Variants in ZNF385B observed in about 807,000 individuals in gnomAD.
The protein encoded by ZNF385B is zinc finger protein 385B.
Under a neutral mutation model 39.2 loss-of-function variants are expected in ZNF385B, and 23 were observed. The ratio of observed to expected loss-of-function variants is 0.59; its 90% CI spans 0.42 to 0.83. The LOEUF (loss-of-function observed/expected upper bound fraction) is 0.83, where lower values mean the gene tolerates loss of function less well. Ranked by LOEUF, ZNF385B falls within the 40% of genes least tolerant of loss-of-function variation. The pLI is 0.00. For missense variants in ZNF385B, 552 were observed against 598.9 expected (o/e 0.92, Z 0.82); for synonymous variants, 205 against 222.6 (o/e 0.92, Z 0.70).
At chr2:179,470,557 T>C (rs2052639275) in intron 6 of ZNF385B, among the ~76,000 whole-genome samples, 1 of 152,088 alleles carries the variant, frequency 6.6e-6, no homozygotes, top group Non-Finnish European at 1.5e-5. Flanking sequence ...AAACCTAGCA[T>C]GCTGGTGAAA....
At chr2:179,689,979 G>A (rs896281956) in intron 3 of ZNF385B, among the ~76,000 whole-genome samples, 18 of 152,076 alleles carry the variant, frequency 1.2e-4, no homozygotes, top group South Asian at 6.2e-4. Flanking sequence ...TCAGAGTCTA[G>A]GAACAATAAT....
chr2:179,830,899 T>C (rs1326433248), intron 1 of ZNF385B, among the ~76,000 whole-genome samples: 1 of 152,130 alleles, frequency 6.6e-6, no homozygotes, highest in Non-Finnish European at 1.5e-5. Flanking sequence ...TCAACAACTA[T>C]AACAAATGGA....
Position 179,537,766 on chromosome 2 carries a change from CAA to C in ZNF385B, c.441+7059_441+7060del, listed in dbSNP as rs151220146. Among the ~76,000 whole-genome samples, 1,184 of 130,502 alleles carry C rather than the reference CAA, an allele frequency of 9.1e-3. 11 individuals are homozygous for C. Among genetic ancestry groups the C allele is most frequent in the African/African-American group, 0.017 (646 of 37,444 alleles). 85.6% of individuals were successfully genotyped at this position (130,502 alleles called of 152,430 possible). A position where few individuals can be genotyped will look rare whatever the true frequency, so the allele number is the denominator to read the frequency against. Reference sequence around the variant, plus strand: ...AAAAACAAACAAACAAACAAACAAACAAAAAAAAAAATTAATAGAAATGTAAA... The same window carrying C: ...AAAAACAAACAAACAAACAAACAAACAAAAAAAAATTAATAGAAATGTAAA... On this transcript the variant is annotated intron_variant, in intron 4 of 9. Coordinates refer to ENST00000410066, the MANE Select transcript of ZNF385B (RefSeq NM_152520.6).
intron 3 of ZNF385B, among the ~76,000 whole-genome samples, chr2:179,561,106 G>A (rs575993853): frequency 2.0e-5 from 3 of 152,246 alleles, no homozygotes; most frequent in Non-Finnish European, 4.4e-5. Flanking sequence ...ACAGCACAAG[G>A]TGCTTTTACA....
intron 1 of ZNF385B, among the ~76,000 whole-genome samples, chr2:179,784,050 T>C (rs1292708723): frequency 6.6e-6 from 1 of 152,064 alleles, no homozygotes; most frequent in Non-Finnish European, 1.5e-5. Context: ...CTATTCACAA[T>C]AGTAAAGACA....
chr2:179,790,631 T>G (rs1384238254), intron 1 of ZNF385B, among the ~76,000 whole-genome samples: 4 of 152,182 alleles, frequency 2.6e-5, no homozygotes, highest in African/African-American at 7.2e-5. Context: ...ATTCTCCTAC[T>G]AGGAACAGGA....
chr2:179,819,640 C>T (rs1298328024), intron 1 of ZNF385B, among the ~76,000 whole-genome samples: 2 of 152,116 alleles, frequency 1.3e-5, no homozygotes, highest in Non-Finnish European at 2.9e-5. Flanking sequence ...GGTGCTCAGG[C>T]CCTCCGAAAG....
At chr2:179,548,857 A>C (rs2060394893) in intron 3 of ZNF385B, among the ~76,000 whole-genome samples, 1 of 149,328 alleles carries the variant, frequency 6.7e-6, no homozygotes, top group South Asian at 2.1e-4. Context: ...ATTCAAGATG[A>C]GGTTTGGGCT....
chr2:179,662,179 A>AG (rs1694564999), intron 3 of ZNF385B, among the ~76,000 whole-genome samples: 1 of 152,192 alleles, frequency 6.6e-6, no homozygotes, highest in Non-Finnish European at 1.5e-5. Flanking sequence ...GGTAACCACA[A>AG]GTGGAGGAAG....
chr2:179,640,532 A>C (rs974625678), intron 3 of ZNF385B, among the ~76,000 whole-genome samples: 2 of 152,186 alleles, frequency 1.3e-5, no homozygotes, highest in African/African-American at 4.8e-5. Flanking sequence ...TAATAAAGTT[A>C]TATGAGGGAG....
chr2:179,841,304 GGA>G (rs1708522574), intron 1 of ZNF385B, among the ~76,000 whole-genome samples: 2 of 152,250 alleles, frequency 1.3e-5, no homozygotes, highest in South Asian at 4.2e-4. Context: ...GACATTAAGT[GGA>G]GAGTTTTGAT....
chr2:179,733,230 T>C (rs1421460506), intron 3 of ZNF385B, among the ~76,000 whole-genome samples: 1 of 152,156 alleles, frequency 6.6e-6, no homozygotes, highest in African/African-American at 2.4e-5. Flanking sequence ...CTAGGCAACA[T>C]ACACTTAGGA....
At chr2:179,776,801 A>G (rs1704349087) in intron 1 of ZNF385B, among the ~76,000 whole-genome samples, 1 of 152,162 alleles carries the variant, frequency 6.6e-6, no homozygotes, top group South Asian at 2.1e-4. Flanking sequence ...AACTGATAAA[A>G]CATTGGAATT....
intron 3 of ZNF385B, among the ~76,000 whole-genome samples, chr2:179,692,024 CTT>C (rs1325386970): frequency 6.6e-6 from 1 of 152,062 alleles, no homozygotes; most frequent in Non-Finnish European, 1.5e-5. Flanking sequence ...CAATTCCACT[CTT>C]TTAGTTATTT....
intron 6 of ZNF385B, among the ~76,000 whole-genome samples, chr2:179,467,506 C>T (rs2052201144): frequency 6.6e-6 from 1 of 152,086 alleles, no homozygotes; most frequent in Non-Finnish European, 1.5e-5. Context: ...ACTGAGTAGC[C>T]AAGGACAGAC....
intron 3 of ZNF385B, among the ~76,000 whole-genome samples, chr2:179,570,494 G>A (rs563885038): frequency 1.1e-4 from 17 of 152,256 alleles, no homozygotes; most frequent in East Asian, 9.6e-4. Context: ...TATTCTCTGA[G>A]CCTCAATTTT....
intron 1 of ZNF385B, among the ~76,000 whole-genome samples, chr2:179,819,793 T>C (rs1205915137): frequency 6.6e-6 from 1 of 152,176 alleles, no homozygotes; most frequent in African/African-American, 2.4e-5. Context: ...ACAGCAGCCA[T>C]GTTGTCAAAT....
intron 3 of ZNF385B, among the ~76,000 whole-genome samples, chr2:179,654,485 G>A (rs1442618968): frequency 1.1e-4 from 16 of 152,080 alleles, no homozygotes; most frequent in Admixed American, 1.0e-3. Context: ...TAAATGTTTG[G>A]AAAGAAGACT....
At chr2:179,737,834 A>G (rs1701860166) in intron 3 of ZNF385B, among the ~76,000 whole-genome samples, 1 of 152,208 alleles carries the variant, frequency 6.6e-6, no homozygotes, top group African/African-American at 2.4e-5. Flanking sequence ...TAATTTGTCC[A>G]TGATCACACA....
Sources: allele counts gnomAD v4.1 joint callset (sites outside exome capture counted in the v4.1 genomes callset), GRCh38; gene constraint gnomAD v4.1.1; transcripts MANE v1.5; gene names NCBI Gene and HGNC (gene_info 2026-07-23, HGNC 2026-07-21).